Variants in DST observed in about 807,000 individuals in gnomAD.
DST encodes the protein bullous pemphigoid antigen.
DST carries 253 observed loss-of-function variants against 875.2 expected under a neutral mutation model. The ratio of observed to expected loss-of-function variants is 0.29; its 90% CI spans 0.26 to 0.32. The LOEUF (loss-of-function observed/expected upper bound fraction) is 0.32. Ranked by LOEUF, DST falls within the 10% of genes least tolerant of loss-of-function variation. The pLI is 1.00. For synonymous variants in DST, 3,124 were observed against 3,197.1 expected, an observed-to-expected ratio of 0.98 and a Z score of 0.77; for missense variants, 8,287 against 9,111.6, an observed-to-expected ratio of 0.91 and a Z score of 3.68.
intron 17 of DST, among the ~76,000 whole-genome samples, chr6:56,641,057 A>C (rs2098893967): frequency 6.6e-6 from 1 of 151,982 alleles, no homozygotes; most frequent in Non-Finnish European, 1.5e-5. Flanking sequence ...AGATTCCTAA[A>C]GGTGAAATTA....
chr6:56,702,398 CACACAT>C (rs1563762834), intron 7 of DST, among the ~76,000 whole-genome samples: 4 of 151,980 alleles, frequency 2.6e-5, no homozygotes, highest in East Asian at 1.9e-4. Flanking sequence ...CACACACACA[CACACAT>C]ATATATATAC....
At chr6:56,852,929 T>C (rs13198597) in intron 3 of DST, among the ~76,000 whole-genome samples, 1 of 152,140 alleles carries the variant, frequency 6.6e-6, no homozygotes, top group Non-Finnish European at 1.5e-5. Context: ...ACACTCACCC[T>C]AGGTACGTGA....
chr6:56,648,223 G>A (rs911115577), intron 13 of DST, among the ~76,000 whole-genome samples: 8 of 151,988 alleles, frequency 5.3e-5, no homozygotes, highest in African/African-American at 1.2e-4. Flanking sequence ...TGCCACACTT[G>A]TATGTACTTC....
intron 2 of DST, among the ~76,000 whole-genome samples, chr6:56,936,693 C>T (rs964808903): frequency 9.9e-5 from 15 of 151,878 alleles, no homozygotes; most frequent in Non-Finnish European, 2.1e-4. Context: ...GACAGGATAA[C>T]AAAAGCCCCA....
intron 4 of DST, among the ~76,000 whole-genome samples, chr6:56,825,033 A>G (rs568212002): frequency 3.0e-3 from 460 of 152,308 alleles, no homozygotes; most frequent in Non-Finnish European, 4.5e-3. Flanking sequence ...CCATGATGAC[A>G]ATGGCGGTTT....
chr6:56,916,622 G>A (rs1349097181), intron 2 of DST, among the ~76,000 whole-genome samples: 1 of 151,732 alleles, frequency 6.6e-6, no homozygotes, highest in Non-Finnish European at 1.5e-5. Flanking sequence ...GTATGGTGGC[G>A]CACACCTGTA....
At chr6:56,500,998 T>A (rs1035034966) in intron 80 of DST, 82 bp downstream of exon 80, 1 of 1,384,368 alleles carries the variant, frequency 7.2e-7, no homozygotes, top group Non-Finnish European at 9.8e-7. Flanking sequence ...GAAACACGCA[T>A]AAAGAAGAAA....
intron 36 of DST, chr6:56,620,174 A>C: frequency 6.2e-7 from 1 of 1,613,366 alleles, no homozygotes; most frequent in Non-Finnish European, 8.5e-7. Flanking sequence ...CAGCTTCAAG[A>C]GTTCTTCCTC....
intron 9 of DST, among the ~76,000 whole-genome samples, chr6:56,693,924 T>C (rs1453364039): frequency 6.6e-6 from 1 of 151,710 alleles, no homozygotes; most frequent in Non-Finnish European, 1.5e-5. Flanking sequence ...TCAAATAATA[T>C]AAATTTCCAA....
intron 2 of DST, among the ~76,000 whole-genome samples, chr6:56,929,377 C>G (rs1457776932): frequency 6.6e-6 from 1 of 151,992 alleles, no homozygotes; most frequent in African/African-American, 2.4e-5. Flanking sequence ...TACTATGCAC[C>G]TACAAAAAGA....
chr6:56,840,958 A>G (rs1239734026), intron 4 of DST, among the ~76,000 whole-genome samples: 2 of 152,110 alleles, frequency 1.3e-5, no homozygotes, highest in Admixed American at 6.5e-5. Flanking sequence ...TTCTGTAACC[A>G]AGGAACTCTG....
intron 36 of DST, chr6:56,618,224 A>G: frequency 6.2e-7 from 1 of 1,613,966 alleles, no homozygotes; most frequent in Non-Finnish European, 8.5e-7. Flanking sequence ...CTGGAATTGG[A>G]CTTCTTTGGG....
chr6:56,596,024 C>CTTATTTAT (rs890524690), intron 47 of DST, among the ~76,000 whole-genome samples: 4 of 146,592 alleles, frequency 2.7e-5, no homozygotes, highest in Non-Finnish European at 4.4e-5. Context: ...TATTTATTTA[C>CTTATTTAT]TTATTTATTT....
At chr6:56,587,525 G>C (rs922342428) in intron 49 of DST, among the ~76,000 whole-genome samples, 5 of 152,052 alleles carry the variant, frequency 3.3e-5, no homozygotes, top group African/African-American at 9.7e-5. Flanking sequence ...AATCTAGCAA[G>C]GCAGGCCAAC....
Position 56,634,227 on chromosome 6 carries a change from G to A in DST, c.3526C>T (p.Leu1176Phe). The A allele has an allele frequency of 1.2e-6, 2 of 1,613,824 alleles. No individual in the cohort carries two copies. Among genetic ancestry groups the A allele is most frequent in the Non-Finnish European group, 8.5e-7 (1 of 1,180,000 alleles). ...ATGTTTATGTGAGACTCATGCCAAAGAGTCAGGACATTCTGATACTGTTGC... is the reference window on the plus strand; with the variant it reads ...ATGTTTATGTGAGACTCATGCCAAAAAGTCAGGACATTCTGATACTGTTGC... ...IEQQYQNVLT[L>F]WHESHINMKS... Residue 1176 changes from leucine to phenylalanine, a missense_variant, in exon 27 of 104, where the codon CTT becomes TTT. Physicochemically the swap from Leu to Phe is conservative, Grantham distance 22 (BLOSUM62 0). This residue lies in a region of DST where 1,160 missense variants were observed against 1,424.3 expected (regional missense o/e 0.81). Coordinates refer to ENST00000680361, the MANE Select transcript of DST (RefSeq NM_001374736.1).
In DST at chr6:56,573,018, A is replaced by G. The variant is rs757885682; in HGVS notation, c.13283T>C (p.Met4428Thr). ...IAGRQSSINA[M>T]NEKVKKFMET... ...CATAAATTTCTTCACTTTTTCATTC[A>G]TGGCATTTATACTGCTCTGACGACC... is the stretch of plus-strand genomic sequence containing the variant. Residue 4428 changes from methionine (M) to threonine (T), a missense_variant, in exon 52 of 104, where the codon ATG (methionine) becomes ACG (threonine). By Grantham distance (81) the Met-to-Thr change is moderately conservative. Around this residue, in one of 10 missense-constraint regions of DST, gnomAD observed 1,513 missense variants for 1,677.8 expected, o/e 0.90. Transcript: ENST00000680361. 27 of 1,604,656 alleles carry G rather than the reference A, an allele frequency of 1.7e-5. No homozygotes were observed. Among genetic ancestry groups the G allele is most frequent in the Non-Finnish European group, 2.6e-6 (3 of 1,175,500 alleles).
intron 92 of DST, chr6:56,474,223 C>T: frequency 2.6e-6 from 1 of 379,004 alleles, no homozygotes; most frequent in Non-Finnish European, 4.8e-6. Flanking sequence ...GTGGCTCATG[C>T]CTGTAATCCC....
chr6:56,608,083 A>G lies in DST; in HGVS notation c.6545T>C (p.Val2182Ala), dbSNP rs757544149. The G allele has an allele frequency of 1.2e-5, 19 of 1,613,514 alleles. No homozygotes were observed. The Admixed American group carries it at 1.3e-4, about 11-fold the overall frequency. ...TVHDYRQEED[V>A]FDGEEPVTTQ... is the part of the protein sequence containing the mutation. ...AGTGACAGGTTCTTCTCCATCAAAA[A>G]CATCCTCTTCTTGTCTGTAATCATG... The change falls in exon 40 of 104, where the codon GTT (valine) becomes GCT (alanine). Residue 2182 changes from valine (V) to alanine (A), a missense_variant. Transcript: ENST00000680361.
intron 4 of DST, among the ~76,000 whole-genome samples, chr6:56,796,732 A>T (rs1448674894): frequency 6.6e-6 from 1 of 152,080 alleles, no homozygotes; most frequent in East Asian, 1.9e-4. Flanking sequence ...ACTAAATTTT[A>T]AAAAATAAAT....
Sources: allele counts gnomAD v4.1 joint callset (sites outside exome capture counted in the v4.1 genomes callset), GRCh38; gene constraint gnomAD v4.1.1; regional missense constraint gnomAD v4.1.1; transcripts MANE v1.5; gene names NCBI Gene and HGNC (gene_info 2026-07-23, HGNC 2026-07-21).